The following SPATS2L variants were observed in gnomAD, a reference collection of about 807,000 sequenced individuals.
SPATS2L encodes SPATS2-like protein.
A neutral mutation model predicts 59.6 loss-of-function variants in SPATS2L; 30 were observed. That is an observed-to-expected ratio of 0.50 (90% CI 0.38 to 0.68). The LOEUF (loss-of-function observed/expected upper bound fraction) is 0.68. Among genes scored for constraint, SPATS2L ranks in the 30% least tolerant of loss-of-function variants. The pLI is 0.00. For missense variants in SPATS2L, 615 were observed against 700.0 expected (o/e 0.88, Z 1.37); for synonymous variants, 252 against 263.5 (o/e 0.96, Z 0.42).
At chr2:200,393,762 A>G (rs1343056465) in intron 3 of SPATS2L, among the ~76,000 whole-genome samples, 2 of 152,242 alleles carry the variant, frequency 1.3e-5, no homozygotes, top group East Asian at 3.8e-4. Flanking sequence ...ACACAGAGCA[A>G]TGACATTTTA....
intron 1 of SPATS2L, among the ~76,000 whole-genome samples, chr2:200,323,452 A>T (rs927672828): frequency 6.6e-6 from 1 of 152,264 alleles, no homozygotes; most frequent in African/African-American, 2.4e-5. Context: ...ACCATTTAAA[A>T]TATTTTCAAA....
At chr2:200,455,861 G>C (rs983363534) in intron 8 of SPATS2L, among the ~76,000 whole-genome samples, 1 of 152,070 alleles carries the variant, frequency 6.6e-6, no homozygotes, top group African/African-American at 2.4e-5. Flanking sequence ...CATGGAAATG[G>C]CACCGATGAA....
intron 2 of SPATS2L, among the ~76,000 whole-genome samples, chr2:200,382,259 G>C (rs932963541): frequency 3.3e-5 from 5 of 152,106 alleles, no homozygotes; most frequent in African/African-American, 1.2e-4. Context: ...ATTTTTAGTA[G>C]AGACGAGGTT....
intron 2 of SPATS2L, chr2:200,378,305 CT>C (rs1295104949): frequency 1.0e-6 from 1 of 1,002,402 alleles, no homozygotes; most frequent in Non-Finnish European, 1.2e-6. Context: ...TATGTGCCTC[CT>C]GAGAAAGCCA....
intron 1 of SPATS2L, among the ~76,000 whole-genome samples, chr2:200,319,123 C>T (rs184749214): frequency 1.3e-5 from 2 of 152,316 alleles, no homozygotes; most frequent in Admixed American, 6.5e-5. Flanking sequence ...TCTGTGTGGT[C>T]GCTCTTCAAA....
chr2:200,350,263 G>A (rs753398591), intron 2 of SPATS2L, among the ~76,000 whole-genome samples: 2 of 152,108 alleles, frequency 1.3e-5, no homozygotes, highest in Non-Finnish European at 2.9e-5. Context: ...GGCCTCTGCT[G>A]AATCAAGTTC....
intron 8 of SPATS2L, among the ~76,000 whole-genome samples, chr2:200,442,640 CAA>C (rs1166487494): frequency 6.6e-6 from 1 of 152,222 alleles, no homozygotes; most frequent in East Asian, 1.9e-4. Flanking sequence ...TACTAATTGA[CAA>C]AGTGTAGCAA....
chr2:200,308,099 TG>T (rs141991589), intron 1 of SPATS2L, among the ~76,000 whole-genome samples: 2,356 of 152,298 alleles, frequency 0.015, 27 homozygotes, highest in Non-Finnish European at 0.028. Context: ...AGTAAGGTCG[TG>T]TAACCTTTTT....
At chr2:200,363,070 C>T (rs966595814) in intron 2 of SPATS2L, among the ~76,000 whole-genome samples, 3 of 152,082 alleles carry the variant, frequency 2.0e-5, no homozygotes, top group Non-Finnish European at 2.9e-5. Context: ...CATTGCCCCT[C>T]GATCCAGATC....
In SPATS2L at chr2:200,403,774, G is replaced by A. The variant is rs570402449; in HGVS notation, c.40-8537G>A. 7.2e-5 allele frequency among the ~76,000 whole-genome samples: 11 copies of A among 152,228 alleles called. No individual in the cohort carries two copies. The East Asian group carries it at 1.2e-3, about 16-fold the overall frequency. ...GGGGAAAGCCATGCCGATCGGCACC[G>A]TAACAGATCTGTGCAGTCCAGCACC... On this transcript the variant is annotated intron_variant, in intron 3 of 12. Transcript: ENST00000409140.
chr2:200,372,066 A>G, intron 2 of SPATS2L: 1 of 985,420 alleles, frequency 1.0e-6, no homozygotes, highest in Non-Finnish European at 1.2e-6. Context: ...TGTGCCTTGT[A>G]GGTATCAGCT....
At chr2:200,466,707 T>G (rs6740095) in intron 9 of SPATS2L, among the ~76,000 whole-genome samples, 71,553 of 152,068 alleles carry the variant, frequency 0.47, 17,070 homozygotes, top group Non-Finnish European at 0.49. Flanking sequence ...GAACTTCTGT[T>G]TTTTTGCTGA....
intron 6 of SPATS2L, among the ~76,000 whole-genome samples, chr2:200,438,366 G>A (rs1445059902): frequency 6.6e-6 from 1 of 152,074 alleles, no homozygotes; most frequent in African/African-American, 2.4e-5. Context: ...AACTTTCTCT[G>A]GTAGTAAGAT....
intron 2 of SPATS2L, among the ~76,000 whole-genome samples, chr2:200,357,088 G>A (rs1209352770): frequency 6.6e-6 from 1 of 152,182 alleles, no homozygotes; most frequent in African/African-American, 2.4e-5. Flanking sequence ...TAGATAAACT[G>A]TGTTTATTAA....
chr2:200,411,386 A>G (rs2082873194), intron 3 of SPATS2L, among the ~76,000 whole-genome samples: 1 of 152,190 alleles, frequency 6.6e-6, no homozygotes, highest in East Asian at 1.9e-4. Flanking sequence ...ATTTAACTCT[A>G]AAACCCACTG....
At chr2:200,368,579 T>C (rs1052840603) in intron 2 of SPATS2L, among the ~76,000 whole-genome samples, 3 of 152,202 alleles carry the variant, frequency 2.0e-5, no homozygotes, top group African/African-American at 7.2e-5. Context: ...ATCAATTTAT[T>C]TGATAAATAC....
intron 7 of SPATS2L, 141 bp from the exon 8 acceptor site, chr2:200,440,508 C>T: frequency 4.9e-6 from 4 of 816,054 alleles, no homozygotes; most frequent in Non-Finnish European, 7.5e-6. Flanking sequence ...CACTGGGTTA[C>T]AAACATTCTC....
chr2:200,426,464 C>T (rs1450604928), intron 6 of SPATS2L, among the ~76,000 whole-genome samples: 1 of 152,220 alleles, frequency 6.6e-6, no homozygotes, highest in Non-Finnish European at 1.5e-5. Flanking sequence ...CACAGTGGCT[C>T]ATGCCTATAA....
At chr2:200,439,480 G>A (rs2084539133) in intron 7 of SPATS2L, among the ~76,000 whole-genome samples, 152 bp downstream of exon 7, 1 of 152,156 alleles carries the variant, frequency 6.6e-6, no homozygotes, top group Admixed American at 6.5e-5. Flanking sequence ...AGATGGAAAG[G>A]CAGAGGTGAT....
Sources: allele counts gnomAD v4.1 joint callset (sites outside exome capture counted in the v4.1 genomes callset), GRCh38; gene constraint gnomAD v4.1.1; transcripts MANE v1.5; gene names NCBI Gene and HGNC (gene_info 2026-07-23, HGNC 2026-07-21).